MDGA2: variants seen among roughly 807,000 people sequenced by gnomAD.
MDGA2 encodes the protein MAM domain-containing glycosylphosphatidylinositol anchor protein 2.
MDGA2 carries 40 observed loss-of-function variants against 117.8 expected under a neutral mutation model. The ratio of observed to expected loss-of-function variants is 0.34; its 90% CI spans 0.26 to 0.44. MDGA2 has a LOEUF of 0.44. Among genes scored for constraint, MDGA2 ranks in the 20% least tolerant of loss-of-function variants. The probability of loss-of-function intolerance (pLI) is 1.00; values close to 1 mark genes in which losing one functional copy is unlikely to be tolerated. For missense variants in MDGA2, 1,123 were observed against 1,250.6 expected, an observed-to-expected ratio of 0.90 and a Z score of 1.54; for synonymous variants, 452 against 439.0, an observed-to-expected ratio of 1.03 and a Z score of -0.37.
At chr14:47,511,725 A>G (rs959029605) in intron 1 of MDGA2, among the ~76,000 whole-genome samples, 2 of 152,224 alleles carry the variant, frequency 1.3e-5, no homozygotes, top group African/African-American at 4.8e-5. Context: ...GAGGAAAGGT[A>G]GCAAATGAAG....
chr14:47,369,774 A>T (rs1460386730), intron 1 of MDGA2, among the ~76,000 whole-genome samples: 1 of 152,128 alleles, frequency 6.6e-6, no homozygotes, highest in Non-Finnish European at 1.5e-5. Flanking sequence ...ATTAATCATT[A>T]AAAAGTTGAA....
intron 1 of MDGA2, among the ~76,000 whole-genome samples, chr14:47,361,231 C>T (rs555325279): frequency 5.8e-5 from 5 of 86,278 alleles, no homozygotes; most frequent in Non-Finnish European, 1.1e-4. Context: ...ATATATATGG[C>T]AGTAGTAATT....
chr14:47,523,874 A>G (rs1477806941), intron 1 of MDGA2, among the ~76,000 whole-genome samples: 1 of 152,198 alleles, frequency 6.6e-6, no homozygotes, highest in African/African-American at 2.4e-5. Flanking sequence ...GCAGCTTGCA[A>G]GTTGAAAGGT....
At chr14:47,430,518 G>A (rs1463384837) in intron 1 of MDGA2, among the ~76,000 whole-genome samples, 1 of 151,920 alleles carries the variant, frequency 6.6e-6, no homozygotes, top group Non-Finnish European at 1.5e-5. Context: ...ACTTTATTGG[G>A]GGTGTAAGAA....
intron 1 of MDGA2, among the ~76,000 whole-genome samples, chr14:47,353,901 C>T (rs927806865): frequency 2.0e-5 from 3 of 152,092 alleles, no homozygotes; most frequent in Non-Finnish European, 2.9e-5. Context: ...TACAAAAATC[C>T]TCAACAGAAT....
chr14:47,221,561 G>A (rs886678505), intron 2 of MDGA2, among the ~76,000 whole-genome samples: 10 of 151,900 alleles, frequency 6.6e-5, no homozygotes, highest in East Asian at 3.9e-4. Flanking sequence ...GGTGGCAGGC[G>A]CCTATAGTCC....
rs376231668 is a variant in MDGA2, at chr14:46,852,836, A to G, written c.2883+2188T>C. 1.3e-3 allele frequency among the ~76,000 whole-genome samples: 194 copies of G among 152,092 alleles called. 2 individuals are homozygous for G. The highest frequency in any genetic ancestry group is 4.5e-3 in the African/African-American group (186 of 41,540). On this transcript the variant is annotated intron_variant, in intron 15 of 16. Transcript: ENST00000399232. ...ACCTAAAATAATCAAACTCTTCTGA[A>G]GTAACTCAACTATCTTCCCTGAAAA...
intron 10 of MDGA2, among the ~76,000 whole-genome samples, chr14:46,902,699 G>A (rs1389644934): frequency 6.6e-6 from 1 of 152,010 alleles, no homozygotes; most frequent in Non-Finnish European, 1.5e-5. Context: ...CTTCATATAT[G>A]GCCATGATAT....
At chr14:47,089,080 AT>A (rs1266306401) in intron 6 of MDGA2, among the ~76,000 whole-genome samples, 5 of 152,252 alleles carry the variant, frequency 3.3e-5, no homozygotes, top group Admixed American at 6.5e-5. Flanking sequence ...AAGACTGAGT[AT>A]TGTTGAGATT....
intron 10 of MDGA2, among the ~76,000 whole-genome samples, chr14:46,889,635 C>G (rs766464535): frequency 2.0e-5 from 3 of 152,066 alleles, no homozygotes; most frequent in African/African-American, 7.2e-5. Flanking sequence ...TTTTCTTAAG[C>G]AAATCACAAG....
At chr14:47,649,064 T>G (rs1897589473) in intron 1 of MDGA2, among the ~76,000 whole-genome samples, 1 of 152,174 alleles carries the variant, frequency 6.6e-6, no homozygotes, top group African/African-American at 2.4e-5. Flanking sequence ...TTTAAATGTC[T>G]AAAATTCATC....
rs182197926 is a variant in MDGA2 at position 47,380,987 on chromosome 14, C to A, written c.281-79437G>T. On this transcript the variant is annotated intron_variant, in intron 1 of 16. Transcript: ENST00000399232. ...TAAAATACTGGCAAACCAAATCCAG[C>A]AGCACATCAAAAAGCTTATCCACTA... 9.2e-5 allele frequency among the ~76,000 whole-genome samples: 14 copies of A among 152,276 alleles called. No individual in the cohort carries two copies. The East Asian group carries it at 2.7e-3, about 29-fold the overall frequency.
intron 1 of MDGA2, among the ~76,000 whole-genome samples, chr14:47,457,628 G>A (rs1368871226): frequency 6.6e-6 from 1 of 152,078 alleles, no homozygotes; most frequent in Non-Finnish European, 1.5e-5. Context: ...TAACTCGACT[G>A]TTCTTTGCCT....
At chr14:47,135,913 G>A (rs1415394954) in intron 4 of MDGA2, among the ~76,000 whole-genome samples, 3 of 151,954 alleles carry the variant, frequency 2.0e-5, no homozygotes, top group Non-Finnish European at 1.5e-5. Flanking sequence ...GGAGTGCAGC[G>A]CAACAAAGAG....
intron 1 of MDGA2, among the ~76,000 whole-genome samples, chr14:47,595,107 T>A (rs115336806): frequency 7.2e-5 from 11 of 152,108 alleles, no homozygotes; most frequent in African/African-American, 2.7e-4. Flanking sequence ...GTTACTCTCT[T>A]ATCCCCGAAA....
At chr14:47,058,578 A>G (rs1231171002) in intron 7 of MDGA2, 1 of 984,982 alleles carries the variant, frequency 1.0e-6, no homozygotes, top group Admixed American at 6.1e-5. Context: ...CCTAGAATAC[A>G]CCTATTTTCA....
chr14:46,842,069 T>C, intron 16 of MDGA2, 50 bp from the exon 17 acceptor site: 1 of 1,253,988 alleles, frequency 8.0e-7, no homozygotes, highest in Non-Finnish European at 1.2e-6. Flanking sequence ...ATAATAAGCA[T>C]TCCACGTAGC....
chr14:47,572,339 G>A (rs562992905), intron 1 of MDGA2, among the ~76,000 whole-genome samples: 1 of 152,160 alleles, frequency 6.6e-6, no homozygotes, highest in Non-Finnish European at 1.5e-5. Context: ...TAAATCATGG[G>A]CCATATTTTA....
rs1209634344 is a variant in MDGA2 at position 47,179,370 on chromosome 14, T to C, written c.596-35096A>G. Among the ~76,000 whole-genome samples, 5 of 152,214 alleles carry C rather than the reference T, an allele frequency of 3.3e-5. No homozygotes were observed. The South Asian group carries it at 6.2e-4, about 19-fold the overall frequency. On this transcript the variant is annotated intron_variant, in intron 3 of 16. Transcript: ENST00000399232. ...ATTTACACTACATAGTTCGTTCTAC[T>C]GTAGCTTAATATTTAAGGTCAAACA...
Sources: allele counts gnomAD v4.1 joint callset (sites outside exome capture counted in the v4.1 genomes callset), GRCh38; gene constraint gnomAD v4.1.1; transcripts MANE v1.5; gene names NCBI Gene and HGNC (gene_info 2026-07-23, HGNC 2026-07-21).